FZD3: variants seen among roughly 807,000 people sequenced by gnomAD.
The protein encoded by FZD3 is frizzled class receptor 3, also known as frizzled-3.
A neutral mutation model predicts 60.7 loss-of-function variants in FZD3; 30 were observed. The observed-to-expected ratio is 0.49, with a 90% confidence interval of 0.37 to 0.67. The LOEUF is 0.67. Ranked by LOEUF, FZD3 falls within the 30% of genes least tolerant of loss-of-function variation. The pLI, the probability that FZD3 is intolerant of heterozygous loss-of-function variation, is 0.00. For synonymous variants in FZD3, 246 were observed against 275.2 expected (o/e 0.89, Z 1.05); for missense variants, 605 against 838.7 (o/e 0.72, Z 3.44).
intron 5 of FZD3, among the ~76,000 whole-genome samples, chr8:28,529,119 T>G (rs1253858654): frequency 1.3e-5 from 2 of 152,024 alleles, no homozygotes; most frequent in Non-Finnish European, 2.9e-5. Flanking sequence ...GGGGTTTCAC[T>G]TGTTGCCCAG....
At chr8:28,516,810 CCT>C (rs1166099402) in intron 3 of FZD3, among the ~76,000 whole-genome samples, 1 of 151,028 alleles carries the variant, frequency 6.6e-6, no homozygotes, top group Non-Finnish European at 1.5e-5. Context: ...TGTTTGTTTT[CCT>C]CTCTGTTACT....
At chr8:28,495,977 C>T (rs1803834379) in intron 1 of FZD3, among the ~76,000 whole-genome samples, 1 of 152,200 alleles carries the variant, frequency 6.6e-6, no homozygotes, top group South Asian at 2.1e-4. Flanking sequence ...CTCCATCTCT[C>T]CTAAATCGTC....
intron 1 of FZD3, among the ~76,000 whole-genome samples, chr8:28,495,879 A>G (rs185188568): frequency 6.6e-6 from 1 of 151,950 alleles, no homozygotes; most frequent in Non-Finnish European, 1.5e-5. Context: ...AACTATTAGG[A>G]AAATAAGTAA....
At chr8:28,547,105 A>G (rs1805313028) in intron 5 of FZD3, among the ~76,000 whole-genome samples, 1 of 152,234 alleles carries the variant, frequency 6.6e-6, no homozygotes, top group African/African-American at 2.4e-5. Flanking sequence ...GAATTTTATA[A>G]GGAATTCATA....
In FZD3 at chr8:28,569,754, G is replaced by A. The variant is rs562302449; in HGVS notation, c.*6743G>A. ...ATATTGGACATGGCTTTTTTAAATG[G>A]GAAAGTCTTCTTAAGCACCAATATA... On this transcript the variant is annotated 3_prime_UTR_variant, in exon 8 of 8. Transcript: ENST00000240093. 6.6e-6 allele frequency: 1 copy of A among 152,058 alleles called. No individual in the cohort carries two copies. The highest frequency in any genetic ancestry group is 2.4e-5 in the African/African-American group (1 of 41,494). 9.4% of individuals were successfully genotyped at this position (152,058 alleles called of 1,614,324 possible).
At chr8:28,512,475 TTTCTG>T (rs1273911693) in intron 3 of FZD3, among the ~76,000 whole-genome samples, 1 of 151,964 alleles carries the variant, frequency 6.6e-6, no homozygotes, top group African/African-American at 2.4e-5. Flanking sequence ...TAGTTTGTGT[TTTCTG>T]TTCTTCATTT....
At position 28,570,481 on chromosome 8, in the gene FZD3, T is replaced by C. The variant is rs164669; in HGVS notation, c.*7470T>C. On this transcript the variant is annotated 3_prime_UTR_variant, in exon 8 of 8. Coordinates refer to ENST00000240093, the MANE Select transcript of FZD3 (RefSeq NM_017412.4). ...CTCTACTAAAAACAAAAAAATTAGT[T>C]GGGCATGGTGGCGGGCACCTGTAGT... The C allele has an allele frequency of 0.63, 95,088 of 151,990 alleles. 30,170 individuals are homozygous for C. The highest frequency in any genetic ancestry group is 0.71 in the African/African-American group (29,495 of 41,416). The allele number at this position is 151,990 out of a possible 1,614,324, so 9.4% of individuals were successfully genotyped here.
intron 5 of FZD3, among the ~76,000 whole-genome samples, chr8:28,548,040 A>G (rs534586273): frequency 8.2e-4 from 124 of 151,736 alleles, no homozygotes; most frequent in African/African-American, 2.9e-3. Flanking sequence ...TTTAGTAGAG[A>G]CGGGGTTTCA....
chr8:28,500,504 A>T (rs113243626), intron 2 of FZD3, among the ~76,000 whole-genome samples: 3 of 152,154 alleles, frequency 2.0e-5, no homozygotes, highest in Admixed American at 1.3e-4. Context: ...ATTAGTTTAA[A>T]TGAAATTTTT....
intron 5 of FZD3, chr8:28,530,625 G>C (rs1804846891): frequency 6.6e-6 from 1 of 152,034 alleles, no homozygotes; most frequent in African/African-American, 2.4e-5. Context: ...TTTAGCAAAT[G>C]CAATATTTGC....
rs1805852786 is a variant in FZD3, at chr8:28,574,074, C to T, written c.*11063C>T. 1 of 152,120 alleles carries T rather than the reference C, an allele frequency of 6.6e-6. No individual in the cohort carries two copies. Among genetic ancestry groups the T allele is most frequent in the Admixed American group, 6.6e-5 (1 of 15,258 alleles). 9.4% of individuals were successfully genotyped at this position (152,120 alleles called of 1,614,324 possible). On this transcript the variant is annotated 3_prime_UTR_variant, in exon 8 of 8. Transcript: ENST00000240093. Reference sequence around the variant, plus strand: ...TGGTTAGAGCATGAACTGGGAATTTCACATTCTCTGATGTGCTTTGCACTC... The same window carrying T: ...TGGTTAGAGCATGAACTGGGAATTTTACATTCTCTGATGTGCTTTGCACTC...
intron 3 of FZD3, among the ~76,000 whole-genome samples, chr8:28,515,664 G>A (rs568860180): frequency 8.5e-5 from 13 of 152,286 alleles, no homozygotes; most frequent in African/African-American, 3.1e-4. Context: ...CCAGTAAAAC[G>A]CTGCTGTTTT....
chr8:28,557,169 A>C (rs1439770444), intron 7 of FZD3, among the ~76,000 whole-genome samples: 1 of 150,062 alleles, frequency 6.7e-6, no homozygotes, highest in Non-Finnish European at 1.5e-5. Flanking sequence ...ACATCGTGCC[A>C]CTGCACTCCA....
At chr8:28,534,695 A>G (rs1804965440) in intron 5 of FZD3, among the ~76,000 whole-genome samples, 1 of 152,200 alleles carries the variant, frequency 6.6e-6, no homozygotes, top group Non-Finnish European at 1.5e-5. Flanking sequence ...ATATAAATGG[A>G]ATTATACAAT....
Position 28,561,599 on chromosome 8 carries a change from T to TAA in FZD3, c.1788-1188_1788-1187dup, listed in dbSNP as rs5890425. Among the ~76,000 whole-genome samples the TAA allele has an allele frequency of 6.9e-3, 1,022 of 147,662 alleles. 10 individuals are homozygous for TAA. Among genetic ancestry groups the TAA allele is most frequent in the Non-Finnish European group, 0.012 (774 of 66,814 alleles). On this transcript the variant is annotated intron_variant, in intron 7 of 7. Coordinates refer to ENST00000240093, the MANE Select transcript of FZD3 (RefSeq NM_017412.4). Reference sequence around the variant, plus strand: ...ATGATTAGTTTTTTTGATGACTGTTTAAAAAAAAAAAACCTAGCCTGCTAT... The same window carrying TAA: ...ATGATTAGTTTTTTTGATGACTGTTTAAAAAAAAAAAAAACCTAGCCTGCTAT...
At chr8:28,542,563 A>C (rs561467576) in intron 5 of FZD3, among the ~76,000 whole-genome samples, 185 of 152,214 alleles carry the variant, frequency 1.2e-3, no homozygotes, top group Non-Finnish European at 2.2e-3. Flanking sequence ...GCTTGAACCC[A>C]GGAGGCAGAG....
rs148858678 is a variant in FZD3 at position 28,562,876 on chromosome 8, G to T, written c.1866G>T (p.Arg622Ser). ...TGTCACGACTAACAGATCACTCCAG[G>T]CATAGTAGTTCTCATCGGCTCAATG... ...GSMSRLTDHSRHSSSHRLNEQ... is the reference protein window; with the variant it reads ...GSMSRLTDHSSHSSSHRLNEQ... Residue 622 changes from arginine (R) to serine (S), a missense_variant, in exon 8 of 8, where the codon AGG (arginine) becomes AGT (serine). Coordinates refer to ENST00000240093, the MANE Select transcript of FZD3 (RefSeq NM_017412.4). The T allele has an allele frequency of 3.1e-6, 5 of 1,613,432 alleles. No individual in the cohort carries two copies. The African/African-American group carries it at 5.3e-5, about 17-fold the overall frequency.
chr8:28,530,422 C>T (rs1161311550), intron 5 of FZD3: 2 of 151,896 alleles, frequency 1.3e-5, no homozygotes, highest in East Asian at 1.9e-4. Context: ...TCTATGGTCA[C>T]ACCACCCTGA....
At chr8:28,542,361 G>A (rs1486759653) in intron 5 of FZD3, among the ~76,000 whole-genome samples, 3 of 152,066 alleles carry the variant, frequency 2.0e-5, no homozygotes, top group African/African-American at 4.8e-5. Flanking sequence ...CTTGCTGGCC[G>A]GCCGCTGCGG....
Sources: gnomAD v4.1 joint callset for allele counts (sites outside exome capture counted in the v4.1 genomes callset) on GRCh38, gnomAD v4.1.1 for gene constraint, MANE v1.5 for transcripts, NCBI Gene and HGNC (gene_info 2026-07-23, HGNC 2026-07-21) for gene names.